FA2H: variants seen among roughly 807,000 people sequenced by gnomAD.
The protein encoded by FA2H is fatty acid 2-hydroxylase.
Under a neutral mutation model 44.9 loss-of-function variants are expected in FA2H, and 22 were observed. The ratio of observed to expected loss-of-function variants is 0.49; its 90% confidence interval spans 0.35 to 0.70. The LOEUF is 0.70. Ranked by LOEUF, FA2H falls within the 30% of genes least tolerant of loss-of-function variation. The probability of loss-of-function intolerance (pLI) is 0.01; values close to 1 mark genes in which losing one functional copy is unlikely to be tolerated. For missense variants in FA2H, 501 were observed against 504.9 expected, an observed-to-expected ratio of 0.99 and a Z score of 0.07; for synonymous variants, 243 against 213.2, an observed-to-expected ratio of 1.14 and a Z score of -1.22.
intron 2 of FA2H, among the ~76,000 whole-genome samples, chr16:74,733,724 G>A (rs1024990020): frequency 6.6e-6 from 1 of 152,138 alleles, no homozygotes; most frequent in Admixed American, 6.5e-5. Flanking sequence ...GATGGGAAGC[G>A]ATGCAAGACA....
chr16:74,767,643 G>C (rs1227485668), intron 1 of FA2H, among the ~76,000 whole-genome samples: 1 of 152,194 alleles, frequency 6.6e-6, no homozygotes, highest in Non-Finnish European at 1.5e-5. Context: ...GCTGGGCCAA[G>C]AGCCAAGGAA....
intron 4 of FA2H, among the ~76,000 whole-genome samples, chr16:74,720,764 G>C (rs745918391): frequency 1.3e-5 from 2 of 152,146 alleles, no homozygotes; most frequent in Non-Finnish European, 2.9e-5. Context: ...CCAACCCTAG[G>C]AAGCTACAGG....
chr16:74,730,558 C>CAT (rs1289183996), intron 2 of FA2H, among the ~76,000 whole-genome samples: 3 of 152,060 alleles, frequency 2.0e-5, no homozygotes, highest in Non-Finnish European at 4.4e-5. Flanking sequence ...CACACACACA[C>CAT]ACCCTGCACC....
intron 1 of FA2H, among the ~76,000 whole-genome samples, chr16:74,747,122 G>A (rs1244429879): frequency 6.6e-6 from 1 of 152,018 alleles, no homozygotes; most frequent in Non-Finnish European, 1.5e-5. Flanking sequence ...ACCAGCCTGG[G>A]AAACATGACA....
At chr16:74,740,178 G>T in intron 1 of FA2H, 63 bp from the exon 2 acceptor site, 1 of 1,378,862 alleles carries the variant, frequency 7.3e-7, no homozygotes, top group Non-Finnish European at 1.0e-6. Context: ...AGAGCCCCGA[G>T]CTGCCCCGAG....
chr16:74,755,181 G>C (rs1333735233), intron 1 of FA2H, among the ~76,000 whole-genome samples: 1 of 150,116 alleles, frequency 6.7e-6, no homozygotes, highest in Non-Finnish European at 1.5e-5. Flanking sequence ...GGCAGGGCTG[G>C]GGGGTGTTGG....
intron 1 of FA2H, among the ~76,000 whole-genome samples, chr16:74,741,866 GTGTA>G (rs1333990184): frequency 3.4e-5 from 5 of 145,962 alleles, no homozygotes; most frequent in Non-Finnish European, 7.5e-5. Flanking sequence ...ATGTGTGTGT[GTGTA>G]TGTGTGTGTG....
At chr16:74,741,776 ATATATATATATATAT>A (rs1224791663) in intron 1 of FA2H, among the ~76,000 whole-genome samples, 13 of 36,620 alleles carry the variant, frequency 3.5e-4, no homozygotes, top group Middle Eastern at 8.5e-3. Flanking sequence ...CTGATTAAAT[ATATATATATATATAT>A]ATATATATAT....
At chr16:74,731,873 T>C (rs1233446486) in intron 2 of FA2H, among the ~76,000 whole-genome samples, 1 of 152,054 alleles carries the variant, frequency 6.6e-6, no homozygotes, top group African/African-American at 2.4e-5. Context: ...AATCCCCTGG[T>C]CCTTTCTTTT....
intron 1 of FA2H, among the ~76,000 whole-genome samples, chr16:74,770,952 A>T (rs1420984102): frequency 2.0e-5 from 3 of 152,186 alleles, no homozygotes; most frequent in African/African-American, 7.2e-5. Context: ...CTCTCTAAGC[A>T]TCAGACAAGG....
In FA2H at chr16:74,713,426, G is replaced by A. The variant is rs1961620083; in HGVS notation, c.*764C>T. 1 of 152,356 alleles carries A rather than the reference G, an allele frequency of 6.6e-6. No individual in the cohort carries two copies. The highest frequency in any genetic ancestry group is 2.1e-4 in the South Asian group (1 of 4,836). 9.4% of individuals were successfully genotyped at this position (152,356 alleles called of 1,614,324 possible). On this transcript the variant is annotated 3_prime_UTR_variant, in exon 7 of 7. Coordinates refer to ENST00000219368, the MANE Select transcript of FA2H (RefSeq NM_024306.5). ...TGGGAGCGCCCGAGTAGGGGCCTGAGCGGGGTGGAGGCCAAGAATGGCCAG... is the reference window on the plus strand; with the variant it reads ...TGGGAGCGCCCGAGTAGGGGCCTGAACGGGGTGGAGGCCAAGAATGGCCAG...
intron 1 of FA2H, among the ~76,000 whole-genome samples, chr16:74,766,267 C>A (rs963413889): frequency 1.9e-4 from 29 of 151,476 alleles, no homozygotes; most frequent in African/African-American, 6.1e-4. Context: ...CCACTGCACT[C>A]TAGCCTGGGG....
At chr16:74,767,724 T>G (rs1361080513) in intron 1 of FA2H, among the ~76,000 whole-genome samples, 1 of 152,222 alleles carries the variant, frequency 6.6e-6, no homozygotes, top group Admixed American at 6.5e-5. Flanking sequence ...GAAGGAATGC[T>G]TCCCTGCAGA....
chr16:74,719,240 C>T, intron 4 of FA2H, 80 bp from the exon 5 acceptor site: 1 of 1,314,306 alleles, frequency 7.6e-7, no homozygotes, highest in Non-Finnish European at 1.1e-6. Flanking sequence ...CTCACCATCC[C>T]CATCAGCTCG....
At chr16:74,736,807 T>G (rs2240252) in intron 2 of FA2H, among the ~76,000 whole-genome samples, 25,732 of 152,132 alleles carry the variant, frequency 0.17, 2,347 homozygotes, top group African/African-American at 0.24. Context: ...CCTCAGGGTC[T>G]TATTCATGGT....
rs529655420 is a variant in FA2H, at chr16:74,750,801, G to A, written c.271-10686C>T. 6.7e-5 allele frequency among the ~76,000 whole-genome samples: 10 copies of A among 148,702 alleles called. No individual in the cohort carries two copies. In the South Asian group the frequency reaches 2.1e-3, roughly 31 times the overall value. On this transcript the variant is annotated intron_variant, in intron 1 of 6. Transcript: ENST00000219368. ...TGTGTGTGTGTGTGTTTAAGAGACA[G>A]GGTCTCGCTCTGTCAGCAGGCTGGA... is the stretch of plus-strand genomic sequence containing the variant.
intron 2 of FA2H, among the ~76,000 whole-genome samples, chr16:74,729,569 C>T (rs1962034011): frequency 2.0e-5 from 3 of 152,078 alleles, no homozygotes; most frequent in Admixed American, 2.0e-4. Context: ...GAAAGTTTCA[C>T]TCATAGGGAT....
chr16:74,740,185 C>T (rs762225701), intron 1 of FA2H, 70 bp from the exon 2 acceptor site: 21 of 1,276,416 alleles, frequency 1.6e-5, no homozygotes, highest in Middle Eastern at 1.9e-4. Context: ...CGAGCTGCCC[C>T]GAGAAGAGGC....
chr16:74,772,159 C>A (rs1962922316), intron 1 of FA2H, among the ~76,000 whole-genome samples: 1 of 152,188 alleles, frequency 6.6e-6, no homozygotes, highest in Non-Finnish European at 1.5e-5. Context: ...ACATCCCTGT[C>A]TTTGCCCATC....
Sources: gnomAD v4.1 joint callset for allele counts (sites outside exome capture counted in the v4.1 genomes callset) on GRCh38, gnomAD v4.1.1 for gene constraint, MANE v1.5 for transcripts, NCBI Gene and HGNC (gene_info 2026-07-23, HGNC 2026-07-21) for gene names.